HMCN2: variants seen among roughly 807,000 people sequenced by gnomAD.
The protein encoded by HMCN2 is hemicentin 2.
A neutral mutation model predicts 377.5 loss-of-function variants in HMCN2; 325 were observed. That is an observed-to-expected ratio of 0.86 (90% CI 0.79 to 0.94). The LOEUF (loss-of-function observed/expected upper bound fraction) is 0.94. Ranked by LOEUF, HMCN2 falls within the 40% of genes least tolerant of loss-of-function variation. The pLI is 0.00. For missense variants in HMCN2, 4,543 were observed against 4,725.3 expected, an observed-to-expected ratio of 0.96 and a Z score of 1.13; for synonymous variants, 2,007 against 2,046.8, an observed-to-expected ratio of 0.98 and a Z score of 0.53.
intron 76 of HMCN2, among the ~76,000 whole-genome samples, chr9:130,399,876 A>C (rs1261736596): frequency 2.0e-5 from 3 of 152,000 alleles, no homozygotes; most frequent in Non-Finnish European, 2.9e-5. Flanking sequence ...TCTAAACTCA[A>C]ATCTGACCTT....
chr9:130,381,649 T>C (rs749466493), intron 54 of HMCN2, among the ~76,000 whole-genome samples: 2 of 152,098 alleles, frequency 1.3e-5, no homozygotes, highest in African/African-American at 2.4e-5. Context: ...GATTGTAGGA[T>C]TGTAGGCGAG....
chr9:130,394,066 A>G lies in HMCN2; in HGVS notation c.10501+58A>G. ...GGCTCGGGGGAGAGGGTGGGACTCT[A>G]GGGGCAATGGGAAGGACAGTGAGGG... On this transcript the variant is annotated intron_variant, in intron 68 of 97. Transcript: ENST00000683500. This position sits in a 1 kb window ranked among gnomAD's most constrained non-coding sequence, Gnocchi z 5.1. 1 of 1,187,220 alleles carries G rather than the reference A, an allele frequency of 8.4e-7. No homozygotes were observed. The highest frequency in any genetic ancestry group is 1.1e-6 in the Non-Finnish European group (1 of 940,084). The allele number at this position is 1,187,220 out of a possible 1,614,324, so 73.5% of individuals were successfully genotyped here.
rs1348671510 is a variant in HMCN2, at chr9:130,303,700, G to C, written c.1543+92G>C. On this transcript the variant is annotated intron_variant, in intron 10 of 97. Coordinates refer to ENST00000683500, the MANE Select transcript of HMCN2 (RefSeq NM_001291815.2). The surrounding 1 kb of genome is among the most constrained non-coding windows in gnomAD (Gnocchi z 5.2). ...TTTCCTCCAGGCGAGTCTCCAGCCA[G>C]CTGCTGGGACAATTCGTCATGCCGG... 4.7e-6 allele frequency: 1 copy of C among 210,914 alleles called. No homozygotes were observed. Among genetic ancestry groups the C allele is most frequent in the African/African-American group, 2.4e-5 (1 of 41,850 alleles). The allele number at this position is 210,914 out of a possible 1,614,324, so 13.1% of individuals were successfully genotyped here. A position where few individuals can be genotyped will look rare whatever the true frequency, so the allele number is the denominator to read the frequency against.
Position 130,351,008 on chromosome 9 carries a change from C to T in HMCN2, c.4431-415C>T, listed in dbSNP as rs1002569360. ...GACATTCCATCACCCCAAAAGGACA[C>T]CCTGGACCCATCAGCAGCCAGTCGC... On this transcript the variant is annotated intron_variant, in intron 29 of 97. Coordinates refer to ENST00000683500, the MANE Select transcript of HMCN2 (RefSeq NM_001291815.2). This position sits in a 1 kb window ranked among gnomAD's most constrained non-coding sequence, Gnocchi z 5.4. Among the ~76,000 whole-genome samples, 18 of 152,310 alleles carry T rather than the reference C, an allele frequency of 1.2e-4. No individual in the cohort carries two copies. Among genetic ancestry groups the T allele is most frequent in the Non-Finnish European group, 2.4e-4 (16 of 68,028 alleles).
chr9:130,302,146 C>A (rs1470714648), intron 8 of HMCN2, among the ~76,000 whole-genome samples: 1 of 151,932 alleles, frequency 6.6e-6, no homozygotes, highest in Non-Finnish European at 1.5e-5. Flanking sequence ...GATCCCAGTT[C>A]AAGCAATTCT....
intron 3 of HMCN2, among the ~76,000 whole-genome samples, chr9:130,285,813 G>A (rs911178703): frequency 3.1e-4 from 47 of 152,188 alleles, no homozygotes; most frequent in African/African-American, 1.1e-3. Context: ...GGCCGGGACT[G>A]CTTCTCTGCC....
At chr9:130,384,264 G>C in intron 57 of HMCN2, 109 bp from the exon 58 acceptor site, 1 of 895,144 alleles carries the variant, frequency 1.1e-6, no homozygotes, top group Non-Finnish European at 1.5e-6. Context: ...AAGTTGTGCC[G>C]AGGTGAAGCC....
rs188090083 is a variant in HMCN2, at chr9:130,273,778, G to A, written c.259+7641G>A. 6.1e-3 allele frequency among the ~76,000 whole-genome samples: 934 copies of A among 152,320 alleles called. 8 individuals carry two copies. The highest frequency in any genetic ancestry group is 0.01 in the Non-Finnish European group (693 of 68,016). On this transcript the variant is annotated intron_variant, in intron 1 of 97. Transcript: ENST00000683500. ...CTCCCAAAGTGCTGGGATTACAGGC[G>A]TGCGCCTCCGCGCCCGGCCATCTTG...
rs1554921348 is a variant in HMCN2 at position 130,272,200 on chromosome 9, C to T, written c.259+6063C>T. Among the ~76,000 whole-genome samples, 2 of 148,970 alleles carry T rather than the reference C, an allele frequency of 1.3e-5. 1 individual carries two copies. Among genetic ancestry groups the T allele is most frequent in the Non-Finnish European group, 3.0e-5 (2 of 66,348 alleles). On this transcript the variant is annotated intron_variant, in intron 1 of 97. Coordinates refer to ENST00000683500, the MANE Select transcript of HMCN2 (RefSeq NM_001291815.2). ...ATTTCCAAAATTACTTAGGCCAACA[C>T]CTTCTTCAGCTTCTTCTTCTTTTTT...
At chr9:130,390,251 C>T (rs867800862) in intron 62 of HMCN2, among the ~76,000 whole-genome samples, 1 of 152,204 alleles carries the variant, frequency 6.6e-6, no homozygotes, top group Admixed American at 6.5e-5. Flanking sequence ...AGCCCTCCCC[C>T]ACCCTTCCTG....
rs557099914 is a variant in HMCN2 at position 130,433,174 on chromosome 9, A to T, written c.14895-174A>T. 2.1e-4 allele frequency: 111 copies of T among 517,450 alleles called. 1 individual carries two copies. In the Admixed American group the frequency reaches 2.5e-3, roughly 12 times the overall value. The allele number at this position is 517,450 out of a possible 1,614,324, so 32.1% of individuals were successfully genotyped here. A position where few individuals can be genotyped will look rare whatever the true frequency, so the allele number is the denominator to read the frequency against. On this transcript the variant is annotated intron_variant, in intron 97 of 97. Coordinates refer to ENST00000683500, the MANE Select transcript of HMCN2 (RefSeq NM_001291815.2). ...TCTGGGCTTCAGTTTGTTGAACTCTAAAACGGGCTAGCGTGGGAGCCTGCA... is the reference window on the plus strand; with the variant it reads ...TCTGGGCTTCAGTTTGTTGAACTCTTAAACGGGCTAGCGTGGGAGCCTGCA...
At chr9:130,282,390 T>C (rs1334729559) in intron 1 of HMCN2, among the ~76,000 whole-genome samples, 5 of 151,498 alleles carry the variant, frequency 3.3e-5, no homozygotes, top group African/African-American at 1.2e-4. Context: ...GGCAGTGAAG[T>C]GAGCTCTGCC....
Position 130,362,016 on chromosome 9 carries a change from C to A in HMCN2, c.5959C>A (p.Arg1987=). The A allele has an allele frequency of 1.0e-6, 1 of 986,104 alleles. No homozygotes were observed. 61.1% of individuals were successfully genotyped at this position (986,104 alleles called of 1,614,324 possible). The part of the protein sequence containing the change: ...RYGLRVNVPP[R]ITLPPSLPGP... ...TCACCCCTGCCCTGCAGTGCCCCCTCGAATCACACTGCCACCCAGCCTGCC... is the reference window on the plus strand; with the variant it reads ...TCACCCCTGCCCTGCAGTGCCCCCTAGAATCACACTGCCACCCAGCCTGCC... The change falls in exon 39 of 98, where the codon CGA becomes AGA. Residue 1987 remains arginine (R), a synonymous_variant. Coordinates refer to ENST00000683500, the MANE Select transcript of HMCN2 (RefSeq NM_001291815.2).
chr9:130,286,721 C>T (rs1407178586), intron 4 of HMCN2, among the ~76,000 whole-genome samples: 1 of 152,212 alleles, frequency 6.6e-6, no homozygotes, highest in Non-Finnish European at 1.5e-5. Context: ...AGGGAACCTG[C>T]GGTGGGTGGA....
chr9:130,398,151 T>TGC (rs1842697260), intron 74 of HMCN2, among the ~76,000 whole-genome samples: 1 of 17,914 alleles, frequency 5.6e-5, no homozygotes, highest in Admixed American at 8.9e-4. Context: ...AGACTCCGTC[T>TGC]ACAAAAAAAA....
intron 2 of HMCN2, 127 bp downstream of exon 2, chr9:130,284,800 G>A: frequency 4.7e-6 from 2 of 429,096 alleles, no homozygotes; most frequent in South Asian, 3.4e-5. Flanking sequence ...GGGTGAATGT[G>A]TGGCTTCCTT....
At chr9:130,416,695 G>A (rs1289001267) in intron 85 of HMCN2, among the ~76,000 whole-genome samples, 2 of 152,134 alleles carry the variant, frequency 1.3e-5, no homozygotes, top group Non-Finnish European at 2.9e-5. Context: ...GAGCAGAAGC[G>A]CTAGGTCTCA....
rs531436243 is a variant in HMCN2 at position 130,355,031 on chromosome 9, C to T, written c.5133C>T (p.Ser1711=). Residue 1711 remains serine, a synonymous_variant, in exon 32 of 98, where the codon TCC becomes TCT. Transcript: ENST00000683500. The part of the protein sequence containing the change: ...SPAGEAVLQY[S]VEVQVPPQLL... Reference sequence around the variant, plus strand: ...CCGGGGAAGCCGTCCTGCAGTACTCCGTGGAGGTTCAGGGTGAGCCCGGCC... The same window carrying T: ...CCGGGGAAGCCGTCCTGCAGTACTCTGTGGAGGTTCAGGGTGAGCCCGGCC... The T allele has an allele frequency of 1.8e-4, 226 of 1,282,830 alleles. 1 individual carries two copies. In the African/African-American group the frequency reaches 2.5e-3, roughly 14 times the overall value. The allele number at this position is 1,282,830 out of a possible 1,614,324, so 79.5% of individuals were successfully genotyped here.
chr9:130,385,169 T>A (rs1447917697), intron 59 of HMCN2, among the ~76,000 whole-genome samples: 3 of 151,576 alleles, frequency 2.0e-5, no homozygotes, highest in Non-Finnish European at 4.4e-5. Flanking sequence ...AGCCAGACAC[T>A]GCGCTAGGCC....
Sources: gnomAD v4.1 joint callset for allele counts (sites outside exome capture counted in the v4.1 genomes callset) on GRCh38, gnomAD v4.1.1 for gene constraint, Gnocchi (gnomAD v3.1) non-coding constraint, MANE v1.5 for transcripts, NCBI Gene and HGNC (gene_info 2026-07-23, HGNC 2026-07-21) for gene names.